Variants in ZNF521 observed in about 807,000 individuals in gnomAD.
The protein encoded by ZNF521 is zinc finger protein 521.
ZNF521 carries 14 observed loss-of-function variants against 105.5 expected under a neutral mutation model. The observed-to-expected ratio is 0.13, with a 90% CI of 0.09 to 0.21. The LOEUF (loss-of-function observed/expected upper bound fraction) is 0.21, where lower values mean the gene tolerates loss of function less well. ZNF521 is among the 10% of genes least tolerant of loss of function. The probability of loss-of-function intolerance (pLI) is 1.00; values close to 1 mark genes in which losing one functional copy is unlikely to be tolerated. For synonymous variants in ZNF521, 635 were observed against 606.0 expected (o/e 1.05, Z -0.70); for missense variants, 1,233 against 1,629.7 (o/e 0.76, Z 4.19).
At chr18:25,273,725 A>G (rs1055465925) in intron 3 of ZNF521, 6 of 152,200 alleles carry the variant, frequency 3.9e-5, no homozygotes, top group Admixed American at 3.3e-4. Flanking sequence ...TGGATTGTTC[A>G]TAAGACATTA....
At chr18:25,195,320 C>A in intron 4 of ZNF521, 76 bp from the exon 5 acceptor site, 2 of 1,177,640 alleles carry the variant, frequency 1.7e-6, no homozygotes, top group South Asian at 1.4e-5. Context: ...AAACATTTTT[C>A]TGAGATGCTG....
intron 3 of ZNF521, among the ~76,000 whole-genome samples, chr18:25,279,704 C>G (rs191644572): frequency 4.6e-5 from 7 of 152,316 alleles, no homozygotes; most frequent in Admixed American, 4.6e-4. Context: ...AGCGTTTTAA[C>G]TTCACATTAT....
intron 2 of ZNF521, among the ~76,000 whole-genome samples, chr18:25,330,929 G>A (rs568725637): frequency 9.9e-5 from 15 of 152,264 alleles, no homozygotes; most frequent in African/African-American, 3.1e-4. Context: ...AATCACCTAC[G>A]CTAATAAAGA....
At chr18:25,199,112 A>G (rs1555646250) in intron 4 of ZNF521, among the ~76,000 whole-genome samples, 1 of 151,962 alleles carries the variant, frequency 6.6e-6, no homozygotes, top group Non-Finnish European at 1.5e-5. Flanking sequence ...CTAACAATCC[A>G]GTTTTCAGTA....
At chr18:25,349,081 C>T (rs1425584147) in intron 2 of ZNF521, among the ~76,000 whole-genome samples, 1 of 151,912 alleles carries the variant, frequency 6.6e-6, no homozygotes, top group African/African-American at 2.4e-5. Flanking sequence ...AAAGAAAAAT[C>T]CCTCCCAAAT....
In ZNF521 at chr18:25,264,285, G is replaced by T. The variant is rs145220036; in HGVS notation, c.221-36588C>A. ...GTTCCAGCATTTTGAGTCTTAGAATGTTGAATATAAGCACTTTACACAGAA... is the reference window on the plus strand; with the variant it reads ...GTTCCAGCATTTTGAGTCTTAGAATTTTGAATATAAGCACTTTACACAGAA... On this transcript the variant is annotated intron_variant, in intron 3 of 7. Coordinates refer to ENST00000361524, the MANE Select transcript of ZNF521 (RefSeq NM_015461.3). Among the ~76,000 whole-genome samples the T allele has an allele frequency of 2.8e-3, 425 of 152,282 alleles. 2 individuals carry two copies. The highest frequency in any genetic ancestry group is 9.7e-3 in the African/African-American group (404 of 41,564).
At chr18:25,207,037 C>T (rs1338760161) in intron 4 of ZNF521, among the ~76,000 whole-genome samples, 2 of 151,908 alleles carry the variant, frequency 1.3e-5, no homozygotes, top group South Asian at 4.2e-4. Context: ...TTTTTCAAAA[C>T]CTTCCCCATT....
intron 2 of ZNF521, among the ~76,000 whole-genome samples, chr18:25,348,620 T>G (rs1177423249): frequency 6.6e-6 from 1 of 152,206 alleles, no homozygotes; most frequent in Non-Finnish European, 1.5e-5. Flanking sequence ...AGCACTGTGT[T>G]CCGCGCCCAC....
intron 3 of ZNF521, among the ~76,000 whole-genome samples, chr18:25,288,832 A>G (rs1053246592): frequency 2.0e-5 from 3 of 152,222 alleles, no homozygotes; most frequent in African/African-American, 7.2e-5. Context: ...ACTAGCATTA[A>G]TAACTCCACA....
intron 3 of ZNF521, among the ~76,000 whole-genome samples, chr18:25,300,619 A>T (rs1911586499): frequency 6.6e-6 from 1 of 152,222 alleles, no homozygotes; most frequent in Non-Finnish European, 1.5e-5. Context: ...TTTGCACGTT[A>T]TAATATTAGG....
In ZNF521 at chr18:25,089,496, G is replaced by C; in HGVS notation, c.3875C>G (p.Pro1292Arg). The stretch of plus-strand genomic sequence containing the variant: ...CTCTGTTTGGAAGAAAAACTTCTGT[G>C]GACATTGTGTACAGTCATAGATCTT... ...EDKIYDCTQC[P>R]QKFFFQTELQ... Residue 1292 changes from proline to arginine, a missense_variant, in exon 7 of 8, where the codon CCA (proline) becomes CGA (arginine). By Grantham distance (103) the Pro-to-Arg change is moderately radical. Coordinates refer to ENST00000361524, the MANE Select transcript of ZNF521 (RefSeq NM_015461.3). 6.2e-7 allele frequency: 1 copy of C among 1,614,098 alleles called. No homozygotes were observed. Among genetic ancestry groups the C allele is most frequent in the Non-Finnish European group, 8.5e-7 (1 of 1,179,988 alleles).
chr18:25,281,147 A>C (rs577489929), intron 3 of ZNF521, among the ~76,000 whole-genome samples: 1 of 152,320 alleles, frequency 6.6e-6, no homozygotes, highest in African/African-American at 2.4e-5. Flanking sequence ...TTTCCTATGC[A>C]CCTACAGCTT....
intron 5 of ZNF521, among the ~76,000 whole-genome samples, chr18:25,116,883 A>ACG (rs2034317123): frequency 1.9e-5 from 1 of 52,312 alleles, no homozygotes; most frequent in South Asian, 4.5e-4. Context: ...ATATATATAT[A>ACG]TATACGTATA....
intron 5 of ZNF521, among the ~76,000 whole-genome samples, chr18:25,118,709 G>A (rs968804399): frequency 6.6e-6 from 1 of 151,814 alleles, no homozygotes; most frequent in African/African-American, 2.4e-5. Context: ...GTCCAAAAGG[G>A]GGAAGAAAAG....
intron 5 of ZNF521, among the ~76,000 whole-genome samples, chr18:25,126,290 A>C (rs963024411): frequency 3.4e-4 from 52 of 152,082 alleles, no homozygotes; most frequent in African/African-American, 9.7e-4. Flanking sequence ...TAAGTTGCAA[A>C]CTCATAAATG....
At chr18:25,166,204 T>A (rs2035338450) in intron 5 of ZNF521, among the ~76,000 whole-genome samples, 1 of 152,236 alleles carries the variant, frequency 6.6e-6, no homozygotes, top group African/African-American at 2.4e-5. Flanking sequence ...CTCTTTTTAA[T>A]GAAATAAAAG....
chr18:25,197,085 C>G (rs944111640), intron 4 of ZNF521, among the ~76,000 whole-genome samples: 6 of 151,784 alleles, frequency 4.0e-5, no homozygotes, highest in Admixed American at 1.3e-4. Context: ...AATGCCAGCA[C>G]TTACTACTAT....
At chr18:25,195,069 G>C in intron 5 of ZNF521, 91 bp downstream of exon 5, 1 of 1,017,862 alleles carries the variant, frequency 9.8e-7, no homozygotes, top group South Asian at 1.5e-5. Context: ...AATGATGGTT[G>C]AACAATTAAT....
chr18:25,068,697 C>T (rs770899227), intron 7 of ZNF521, among the ~76,000 whole-genome samples: 10 of 152,072 alleles, frequency 6.6e-5, no homozygotes, highest in East Asian at 1.9e-4. Flanking sequence ...TGTGTCTGTA[C>T]GGGTCCCTGA....
Sources: allele counts gnomAD v4.1 joint callset (sites outside exome capture counted in the v4.1 genomes callset), GRCh38; gene constraint gnomAD v4.1.1; transcripts MANE v1.5; gene names NCBI Gene and HGNC (gene_info 2026-07-23, HGNC 2026-07-21).